The following GNB1 variants were observed in gnomAD, a reference collection of about 807,000 sequenced individuals.
GNB1 encodes the protein G protein subunit beta 1.
A neutral mutation model predicts 42.9 loss-of-function variants in GNB1; 2 were observed. The ratio of observed to expected loss-of-function variants is 0.05; its 90% CI spans 0.02 to 0.15. The LOEUF (loss-of-function observed/expected upper bound fraction) is 0.15, where lower values mean the gene tolerates loss of function less well. Among genes scored for constraint, GNB1 ranks in the 10% least tolerant of loss-of-function variants. GNB1 has a pLI of 1.00. For missense variants in GNB1, 193 were observed against 462.2 expected (o/e 0.42, Z 5.34); for synonymous variants, 183 against 174.7 (o/e 1.05, Z -0.38).
intron 2 of GNB1, among the ~76,000 whole-genome samples, chr1:1,833,601 G>C (rs1297299172): frequency 6.6e-6 from 1 of 152,168 alleles, no homozygotes; most frequent in Admixed American, 6.5e-5. Flanking sequence ...TCTAGTTTGA[G>C]GGAGACAGAA....
rs1213866297 is a variant in GNB1, at chr1:1,790,009, G to C, written c.699+386C>G. On this transcript the variant is annotated intron_variant, in intron 9 of 11. Coordinates refer to ENST00000378609, the MANE Select transcript of GNB1 (RefSeq NM_002074.5). This position sits in a 1 kb window ranked among gnomAD's most constrained non-coding sequence, Gnocchi z 5.4. ...TACATCCTTCTAAGTCTCCTCACAA[G>C]GCCAGGGGCTGGAAACACTGCCTAG... 6.6e-6 allele frequency among the ~76,000 whole-genome samples: 1 copy of C among 152,186 alleles called. No homozygotes were observed. The highest frequency in any genetic ancestry group is 1.5e-5 in the Non-Finnish European group (1 of 68,028).
At chr1:1,872,962 G>A (rs1649330453) in intron 1 of GNB1, among the ~76,000 whole-genome samples, 1 of 152,100 alleles carries the variant, frequency 6.6e-6, no homozygotes, top group Non-Finnish European at 1.5e-5. Context: ...CACAGTATAG[G>A]AAAGGCTGTG....
intron 1 of GNB1, among the ~76,000 whole-genome samples, chr1:1,841,160 G>A (rs943775570): frequency 6.6e-6 from 1 of 151,894 alleles, no homozygotes; most frequent in Non-Finnish European, 1.5e-5. Flanking sequence ...AAAGTGCTGG[G>A]ATTACAGGCG....
At chr1:1,850,159 T>C (rs1318386104) in intron 1 of GNB1, among the ~76,000 whole-genome samples, 1 of 151,546 alleles carries the variant, frequency 6.6e-6, no homozygotes, top group Non-Finnish European at 1.5e-5. Flanking sequence ...AGATGGAGTT[T>C]CTCTCTTGTT....
chr1:1,869,054 C>T (rs748318000), intron 1 of GNB1, among the ~76,000 whole-genome samples: 17 of 150,896 alleles, frequency 1.1e-4, no homozygotes, highest in East Asian at 3.9e-4. Context: ...GGTGTGGTGG[C>T]GGGCACCTGT....
intron 1 of GNB1, among the ~76,000 whole-genome samples, chr1:1,857,663 C>T (rs1321741475): frequency 1.3e-5 from 2 of 152,130 alleles, no homozygotes; most frequent in Non-Finnish European, 2.9e-5. Context: ...TCTACATGTG[C>T]ACTTATAGCA....
chr1:1,790,647 G>T lies in GNB1; in HGVS notation c.498-51C>A. On this transcript the variant is annotated intron_variant, in intron 8 of 11. Coordinates refer to ENST00000378609, the MANE Select transcript of GNB1 (RefSeq NM_002074.5). This position sits in a 1 kb window ranked among gnomAD's most constrained non-coding sequence, Gnocchi z 5.4. ...GACATCAGCCTTAACTTCTTGGGTGGCTAGTCATGTGACAGACAATCTGTC... is the reference window on the plus strand; with the variant it reads ...GACATCAGCCTTAACTTCTTGGGTGTCTAGTCATGTGACAGACAATCTGTC... The T allele has an allele frequency of 7.7e-7, 1 of 1,290,446 alleles. No homozygotes were observed. The highest frequency in any genetic ancestry group is 1.1e-6 in the Non-Finnish European group (1 of 893,292). The allele number at this position is 1,290,446 out of a possible 1,614,324, so 79.9% of individuals were successfully genotyped here. A position where few individuals can be genotyped will look rare whatever the true frequency, so the allele number is the denominator to read the frequency against.
chr1:1,789,432 C>T (rs1484657849), intron 9 of GNB1, among the ~76,000 whole-genome samples, 163 bp from the exon 10 acceptor site: 2 of 151,980 alleles, frequency 1.3e-5, no homozygotes, highest in African/African-American at 4.8e-5. Context: ...GTGGCTCATG[C>T]CTGTAATCCC....
chr1:1,795,413 C>T (rs567379802), intron 7 of GNB1, among the ~76,000 whole-genome samples: 1 of 152,306 alleles, frequency 6.6e-6, no homozygotes, highest in South Asian at 2.1e-4. Flanking sequence ...GACCTCAGCA[C>T]AGCCTGCATC....
Position 1,789,132 on chromosome 1 carries a change from G to C in GNB1, c.837C>G (p.Ser279=). The change falls in exon 10 of 12, where the codon TCC becomes TCG. Residue 279 remains serine (S), a synonymous_variant. Coordinates refer to ENST00000378609, the MANE Select transcript of GNB1 (RefSeq NM_002074.5). ...CAGCAAGGAGGAGGCGCCCGCTCTT[G>C]GAGAAGGAGACAGAGGTGATCCCGC... is the stretch of plus-strand genomic sequence containing the variant. The part of the protein sequence containing the change: ...IICGITSVSF[S]KSGRLLLAGY... The C allele has an allele frequency of 1.9e-6, 3 of 1,614,130 alleles. No homozygotes were observed. The highest frequency in any genetic ancestry group is 2.5e-6 in the Non-Finnish European group (3 of 1,179,972).
At chr1:1,850,684 A>G (rs1647933308) in intron 1 of GNB1, among the ~76,000 whole-genome samples, 1 of 152,020 alleles carries the variant, frequency 6.6e-6, no homozygotes, top group South Asian at 2.1e-4. Flanking sequence ...CTTTTACCAC[A>G]TCCATCACAG....
At chr1:1,807,219 T>C (rs1646707686) in intron 5 of GNB1, among the ~76,000 whole-genome samples, 3 of 151,966 alleles carry the variant, frequency 2.0e-5, no homozygotes, top group Non-Finnish European at 4.4e-5. Context: ...CCCAACACTT[T>C]GGGAGGCCAA....
intron 1 of GNB1, among the ~76,000 whole-genome samples, chr1:1,851,997 A>G (rs1001464612): frequency 9.3e-5 from 14 of 151,038 alleles, no homozygotes; most frequent in Non-Finnish European, 1.8e-4. Flanking sequence ...GAGCCAAGAT[A>G]GCGCCATTGC....
intron 4 of GNB1, among the ~76,000 whole-genome samples, chr1:1,816,133 C>T (rs1298156924): frequency 6.6e-6 from 1 of 152,230 alleles, no homozygotes. Flanking sequence ...ACTTGCTGTT[C>T]CCTTCCTGCT....
intron 1 of GNB1, among the ~76,000 whole-genome samples, chr1:1,873,323 T>C (rs949088355): frequency 2.0e-5 from 3 of 152,246 alleles, no homozygotes; most frequent in Admixed American, 1.3e-4. Context: ...TCAGCCACTA[T>C]GGGAGGAAGC....
intron 2 of GNB1, among the ~76,000 whole-genome samples, chr1:1,833,534 C>T (rs1401144016): frequency 1.3e-5 from 2 of 152,196 alleles, no homozygotes; most frequent in Non-Finnish European, 1.5e-5. Flanking sequence ...CTCCCTCCAA[C>T]ACAACAGGCA....
At position 1,785,531 on chromosome 1, in the gene GNB1, T is replaced by C. The variant is rs1468196205; in HGVS notation, c.*1532A>G. 6.6e-6 allele frequency: 1 copy of C among 152,124 alleles called. No individual in the cohort carries two copies. Among genetic ancestry groups the C allele is most frequent in the Non-Finnish European group, 1.4e-5 (1 of 70,408 alleles). The allele number at this position is 152,124 out of a possible 1,614,324, so 9.4% of individuals were successfully genotyped here. ...CACAGCACAGTTTTGTATAGAATGT[T>C]GCAGAAAACAGGATGGAGAAGCCAC... is the stretch of plus-strand genomic sequence containing the variant. On this transcript the variant is annotated 3_prime_UTR_variant, in exon 12 of 12. Transcript: ENST00000378609.
chr1:1,795,278 C>T (rs1646531421), intron 7 of GNB1, among the ~76,000 whole-genome samples: 1 of 152,146 alleles, frequency 6.6e-6, no homozygotes, highest in African/African-American at 2.4e-5. Flanking sequence ...CTGGTTCACA[C>T]TCACCCTTGC....
chr1:1,850,878 G>A (rs1647942660), intron 1 of GNB1, among the ~76,000 whole-genome samples: 1 of 152,216 alleles, frequency 6.6e-6, no homozygotes, highest in African/African-American at 2.4e-5. Flanking sequence ...GTGTGGGGAT[G>A]AGGGGTTAAT....
Sources: gnomAD v4.1 joint callset for allele counts (sites outside exome capture counted in the v4.1 genomes callset) on GRCh38, gnomAD v4.1.1 for gene constraint, Gnocchi (gnomAD v3.1) non-coding constraint, MANE v1.5 for transcripts, NCBI Gene and HGNC (gene_info 2026-07-23, HGNC 2026-07-21) for gene names.